CMIP: variants seen among roughly 807,000 people sequenced by gnomAD.
CMIP encodes c-Maf inducing protein.
A neutral mutation model predicts 97.3 loss-of-function variants in CMIP; 13 were observed. The observed-to-expected ratio is 0.13, with a 90% CI of 0.09 to 0.21. The LOEUF is 0.21. CMIP is among the 10% of genes least tolerant of loss of function. The pLI is 1.00. For synonymous variants in CMIP, 538 were observed against 436.3 expected (o/e 1.23, Z -2.91); for missense variants, 847 against 1,024.9 (o/e 0.83, Z 2.37).
At chr16:81,672,117 C>A in intron 9 of CMIP, 47 bp downstream of exon 9, 1 of 1,150,010 alleles carries the variant, frequency 8.7e-7, no homozygotes, top group Non-Finnish European at 1.3e-6. Context: ...GAGGGGCAAA[C>A]TGCCACCCCC....
At chr16:81,708,418 A>T (rs1408686078) in intron 20 of CMIP, among the ~76,000 whole-genome samples, 2 of 142,302 alleles carry the variant, frequency 1.4e-5, no homozygotes, top group South Asian at 2.2e-4. Context: ...CTTGAGTTCA[A>T]AGTGCTGAAA....
intron 2 of CMIP, among the ~76,000 whole-genome samples, chr16:81,618,075 C>A (rs1283752699): frequency 6.6e-6 from 1 of 152,242 alleles, no homozygotes; most frequent in Non-Finnish European, 1.5e-5. Flanking sequence ...GTTATACCAA[C>A]CTGGTTGTAC....
intron 1 of CMIP, among the ~76,000 whole-genome samples, chr16:81,547,899 C>T (rs1413307516): frequency 6.6e-6 from 1 of 152,180 alleles, no homozygotes; most frequent in African/African-American, 2.4e-5. Flanking sequence ...CCCAGGGAGC[C>T]AGGCAGGCCT....
At chr16:81,523,252 G>A (rs961789374) in intron 1 of CMIP, among the ~76,000 whole-genome samples, 1 of 152,196 alleles carries the variant, frequency 6.6e-6, no homozygotes, top group Non-Finnish European at 1.5e-5. Flanking sequence ...CTTGCAGCTT[G>A]CCTTTTTCCA....
intron 1 of CMIP, among the ~76,000 whole-genome samples, chr16:81,471,402 A>C (rs905158184): frequency 1.4e-5 from 2 of 141,400 alleles, no homozygotes; most frequent in Non-Finnish European, 3.2e-5. Context: ...ATACACGTAC[A>C]AATGCATACA....
chr16:81,640,738 ATGTGTGTGTG>A (rs751455480), intron 3 of CMIP, among the ~76,000 whole-genome samples: 3 of 138,936 alleles, frequency 2.2e-5, no homozygotes, highest in Non-Finnish European at 3.1e-5. Flanking sequence ...TCTCTGGAGC[ATGTGTGTGTG>A]TGTGTGTGTG....
At chr16:81,575,580 G>T (rs2091174751) in intron 1 of CMIP, among the ~76,000 whole-genome samples, 1 of 152,182 alleles carries the variant, frequency 6.6e-6, no homozygotes. Flanking sequence ...GGAGGCTGGA[G>T]CCAACACCCC....
chr16:81,470,199 C>G (rs1054378444), intron 1 of CMIP, among the ~76,000 whole-genome samples: 2 of 152,206 alleles, frequency 1.3e-5, no homozygotes, highest in African/African-American at 4.8e-5. Context: ...ATAAAGCGGC[C>G]CCTGGCCTCA....
chr16:81,583,722 C>A (rs12929474), intron 1 of CMIP, among the ~76,000 whole-genome samples: 1,868 of 152,230 alleles, frequency 0.012, 16 homozygotes, highest in Non-Finnish European at 0.018. Flanking sequence ...CTTCTAGATA[C>A]CCCTTTCCCA....
rs1416936743 is a variant in CMIP at position 81,702,614 on chromosome 16, T to C, written c.1897-8T>C. 1 of 1,613,046 alleles carries C rather than the reference T, an allele frequency of 6.2e-7. No individual in the cohort carries two copies. Among genetic ancestry groups the C allele is most frequent in the East Asian group, 2.2e-5 (1 of 44,886 alleles). On this transcript the variant is annotated splice_polypyrimidine_tract_variant and splice_region_variant and intron_variant, in intron 16 of 20. Coordinates refer to ENST00000537098, the MANE Select transcript of CMIP (RefSeq NM_198390.3). ...GAATGGTTGTAACCAGCCTGGTTTC[T>C]GTTGCAGCAAAGGAAAGGCGGGCCC...
intron 1 of CMIP, among the ~76,000 whole-genome samples, chr16:81,504,685 G>C (rs2089675619): frequency 1.4e-5 from 2 of 142,736 alleles, no homozygotes; most frequent in Admixed American, 1.4e-4. Flanking sequence ...AAGAAAAAAT[G>C]GCCGGTGGGC....
rs143871815 is a variant in CMIP at position 81,614,680 on chromosome 16, ATGTGTG to A, written c.427-6184_427-6179del. On this transcript the variant is annotated intron_variant, in intron 2 of 20. Coordinates refer to ENST00000537098, the MANE Select transcript of CMIP (RefSeq NM_198390.3). The surrounding 1 kb of genome is among the most constrained non-coding windows in gnomAD (Gnocchi z 5.3). ...GTGTGTATGTATGTCTGTATGGTTTATGTGTGTGTGTGTGTGTATGGTATGTCTGCA... is the reference window on the plus strand; with the variant it reads ...GTGTGTATGTATGTCTGTATGGTTTATGTGTGTGTGTATGGTATGTCTGCA... 6.7e-6 allele frequency among the ~76,000 whole-genome samples: 1 copy of A among 149,622 alleles called. No individual in the cohort carries two copies. The highest frequency in any genetic ancestry group is 2.1e-4 in the South Asian group (1 of 4,690).
chr16:81,657,278 G>C (rs974070215), intron 4 of CMIP, among the ~76,000 whole-genome samples: 1 of 152,186 alleles, frequency 6.6e-6, no homozygotes, highest in African/African-American at 2.4e-5. Flanking sequence ...GGAACTTCAT[G>C]TTCCTTGGGA....
chr16:81,687,957 G>A (rs991682879), intron 10 of CMIP, among the ~76,000 whole-genome samples: 2 of 152,238 alleles, frequency 1.3e-5, no homozygotes, highest in African/African-American at 4.8e-5. Context: ...TCAGCACACA[G>A]GGTCCTCTGG....
intron 1 of CMIP, among the ~76,000 whole-genome samples, chr16:81,509,880 G>A (rs936633124): frequency 6.6e-6 from 1 of 152,212 alleles, no homozygotes; most frequent in African/African-American, 2.4e-5. Flanking sequence ...GAGCATGGAA[G>A]TGTGATGGAT....
chr16:81,632,664 G>A (rs1387917671), intron 3 of CMIP, among the ~76,000 whole-genome samples: 1 of 152,168 alleles, frequency 6.6e-6, no homozygotes, highest in African/African-American at 2.4e-5. Flanking sequence ...CCCAGGCCTC[G>A]CAGCCCCCCA....
At chr16:81,608,588 C>T (rs1021520495) in intron 2 of CMIP, among the ~76,000 whole-genome samples, 1 of 152,076 alleles carries the variant, frequency 6.6e-6, no homozygotes, top group Admixed American at 6.5e-5. Flanking sequence ...CCGGATTACC[C>T]GCCCACCCTT....
intron 5 of CMIP, among the ~76,000 whole-genome samples, chr16:81,660,383 C>T (rs1023447278): frequency 6.6e-6 from 1 of 151,996 alleles, no homozygotes; most frequent in African/African-American, 2.4e-5. Flanking sequence ...AGTGATTCTC[C>T]TGCCTCAGCC....
At position 81,637,161 on chromosome 16, in the gene CMIP, C is replaced by G. The variant is rs535900774; in HGVS notation, c.478-15042C>G. On this transcript the variant is annotated intron_variant, in intron 3 of 20. Coordinates refer to ENST00000537098, the MANE Select transcript of CMIP (RefSeq NM_198390.3). ...TCTTGGCTCACTGCAACCTCTGCCT[C>G]CTGGGTTCAAGCATTTCTCCTGCCC... Among the ~76,000 whole-genome samples the G allele has an allele frequency of 2.0e-5, 3 of 152,284 alleles. No homozygotes were observed. The South Asian group carries it at 6.2e-4, about 32-fold the overall frequency.
Sources: gnomAD v4.1 joint callset for allele counts (sites outside exome capture counted in the v4.1 genomes callset) on GRCh38, gnomAD v4.1.1 for gene constraint, Gnocchi (gnomAD v3.1) non-coding constraint, MANE v1.5 for transcripts, NCBI Gene and HGNC (gene_info 2026-07-23, HGNC 2026-07-21) for gene names.